Variants in CFAP47 observed in about 807,000 individuals in gnomAD.
The protein encoded by CFAP47 is cilia- and flagella-associated protein 47.
Under a neutral mutation model 148.1 loss-of-function variants are expected in CFAP47, and 29 were observed. The ratio of observed to expected loss-of-function variants is 0.20; its 90% confidence interval spans 0.15 to 0.27. The LOEUF (loss-of-function observed/expected upper bound fraction) is 0.27, where lower values mean the gene tolerates loss of function less well. CFAP47 is among the 10% of genes least tolerant of loss of function. The pLI is 1.00. For missense variants in CFAP47, 1,872 were observed against 1,697.5 expected (o/e 1.10, Z -1.81); for synonymous variants, 664 against 577.3 (o/e 1.15, Z -2.15).
chrX:36,278,045 A>G (rs934663533), intron 49 of CFAP47, among the ~76,000 whole-genome samples: 3 of 112,368 alleles, frequency 2.7e-5, no homozygotes, highest in Non-Finnish European at 1.9e-5. Flanking sequence ...CACGGGGGTC[A>G]GGGAACCACT....
intron 24 of CFAP47, among the ~76,000 whole-genome samples, chrX:36,038,225 C>A (rs1937361128): frequency 8.9e-6 from 1 of 111,878 alleles, no homozygotes; most frequent in Non-Finnish European, 1.9e-5. Context: ...CTTGATGGCC[C>A]CAATCTTTGC....
In CFAP47 at chrX:36,385,200, A is replaced by T. The variant is rs1424632956; in HGVS notation, c.*194A>T. ...TTATGAATGTTTTTTGGTTGCGAAC[A>T]TTGGAATTGGTTCACTTTTAAAGTG... On this transcript the variant is annotated 3_prime_UTR_variant, in exon 64 of 64. Transcript: ENST00000378653. The T allele has an allele frequency of 5.3e-6, 2 of 375,721 alleles. No homozygotes were observed. The highest frequency in any genetic ancestry group is 5.2e-5 in the African/African-American group (2 of 38,664). 31.0% of individuals were successfully genotyped at this position (375,721 alleles called of 1,213,427 possible).
intron 1 of CFAP47, among the ~76,000 whole-genome samples, chrX:35,924,562 C>T (rs1192378413): frequency 5.8e-5 from 6 of 104,195 alleles, no homozygotes; most frequent in African/African-American, 2.1e-4. Context: ...TATATATGCG[C>T]ATATATGTGT....
At chrX:36,345,358 T>C (rs2146981538) in intron 57 of CFAP47, among the ~76,000 whole-genome samples, 1 of 111,429 alleles carries the variant, frequency 9.0e-6, no homozygotes, top group South Asian at 3.8e-4. Flanking sequence ...ATGAGACTGT[T>C]CTGCCTCAGA....
At chrX:36,158,115 A>G (rs1268605440) in intron 37 of CFAP47, among the ~76,000 whole-genome samples, 1 of 112,118 alleles carries the variant, frequency 8.9e-6, no homozygotes, top group Non-Finnish European at 1.9e-5. Flanking sequence ...AGTCTCACCC[A>G]TTCAACAGCA....
intron 27 of CFAP47, among the ~76,000 whole-genome samples, chrX:36,070,076 G>A (rs976697656): frequency 7.2e-5 from 8 of 111,608 alleles, no homozygotes; most frequent in African/African-American, 2.6e-4. Context: ...TAGTGGTGTA[G>A]CATTCTGGAA....
At chrX:35,924,504 G>T (rs776875382) in intron 1 of CFAP47, among the ~76,000 whole-genome samples, 3,192 of 101,966 alleles carry the variant, frequency 0.031, 146 homozygotes, top group African/African-American at 0.11. Flanking sequence ...TGTGTATATA[G>T]GTGCACATAT....
chrX:35,971,016 A>G (rs1026361038), intron 11 of CFAP47, 93 bp downstream of exon 11: 6 of 686,582 alleles, frequency 8.7e-6, no homozygotes, highest in Non-Finnish European at 1.3e-5. Context: ...TTTATTTTAG[A>G]TGTTGTAAAC....
intron 45 of CFAP47, among the ~76,000 whole-genome samples, chrX:36,221,920 C>A (rs377266670): frequency 9.0e-6 from 1 of 111,397 alleles, no homozygotes. Context: ...ATCAAGCAGA[C>A]AGAAGGTTAA....
rs1000366531 is a variant in CFAP47, at chrX:36,144,877, G to A, written c.5536-342G>A. The A allele has an allele frequency of 5.1e-5, 50 of 976,289 alleles. No individual in the cohort carries two copies. The Middle Eastern group carries it at 2.0e-3, about 39-fold the overall frequency. 80.5% of individuals were successfully genotyped at this position (976,289 alleles called of 1,213,427 possible). A position where few individuals can be genotyped will look rare whatever the true frequency, so the allele number is the denominator to read the frequency against. ...AGCCTCCTTTGGGCTTTCAGCCTTC[G>A]GCCTCAGAATGGGGCCTGCACTGTA... On this transcript the variant is annotated intron_variant, in intron 35 of 63. Coordinates refer to ENST00000378653, the MANE Select transcript of CFAP47 (RefSeq NM_001304548.2).
intron 35 of CFAP47, chrX:36,144,663 G>A: frequency 9.7e-7 from 1 of 1,027,773 alleles, no homozygotes; most frequent in Non-Finnish European, 1.3e-6. Flanking sequence ...ATTGGCTGTG[G>A]CAGTGGCCAG....
intron 29 of CFAP47, among the ~76,000 whole-genome samples, chrX:36,078,796 T>A (rs1479360327): frequency 1.8e-5 from 2 of 111,400 alleles, no homozygotes; most frequent in African/African-American, 6.5e-5. Context: ...ATTTGGCATG[T>A]TTTTGCAGTG....
chrX:36,280,583 T>C lies in CFAP47; in HGVS notation c.7541T>C (p.Leu2514Pro), dbSNP rs1315656714. 3.3e-5 allele frequency: 17 copies of C among 508,093 alleles called. No individual in the cohort carries two copies. Among genetic ancestry groups the C allele is most frequent in the Admixed American group, 8.1e-5 (3 of 36,955 alleles). The allele number at this position is 508,093 out of a possible 1,213,427, so 41.9% of individuals were successfully genotyped here. Residue 2514 changes from leucine (L) to proline (P), a missense_variant, in exon 50 of 64, where the codon CTT becomes CCT. Physicochemically the swap from Leu to Pro is moderately conservative, Grantham distance 98 (BLOSUM62 -3). Coordinates refer to ENST00000378653, the MANE Select transcript of CFAP47 (RefSeq NM_001304548.2). ...GATCAAGATCAAGCCCTCTCCTGTC[T>C]TGATTCAATAACAGAACAATCTAGC... Reference protein sequence around the residue: ...DTDQDQALSCLDSITEQSSIL... With the variant: ...DTDQDQALSCPDSITEQSSIL...
At chrX:36,220,267 G>A (rs782262533) in intron 45 of CFAP47, among the ~76,000 whole-genome samples, 1 of 110,870 alleles carries the variant, frequency 9.0e-6, no homozygotes, top group South Asian at 3.8e-4. Flanking sequence ...TTAGACTTGG[G>A]TCCTATCCCT....
intron 57 of CFAP47, among the ~76,000 whole-genome samples, chrX:36,327,791 C>T (rs782782634): frequency 8.9e-6 from 1 of 112,167 alleles, no homozygotes; most frequent in Admixed American, 9.5e-5. Flanking sequence ...AAAACAATGA[C>T]ATCCTGTCCT....
At chrX:36,374,547 T>A (rs1318958727) in intron 62 of CFAP47, among the ~76,000 whole-genome samples, 1 of 111,325 alleles carries the variant, frequency 9.0e-6, no homozygotes, top group East Asian at 2.8e-4. Flanking sequence ...CTGCTCTTAT[T>A]TTTTATTATT....
chrX:36,003,506 G>T (rs1191469440), intron 21 of CFAP47, among the ~76,000 whole-genome samples: 1 of 109,235 alleles, frequency 9.2e-6, no homozygotes, highest in African/African-American at 3.3e-5. Context: ...GGCAGAATTT[G>T]TGAAGGACTG....
intron 2 of CFAP47, among the ~76,000 whole-genome samples, chrX:35,933,632 G>T (rs772920111): frequency 6.5e-4 from 73 of 111,729 alleles, no homozygotes; most frequent in African/African-American, 2.1e-3. Flanking sequence ...AGTTTTTTGA[G>T]GAGCCTCCAA....
intron 60 of CFAP47, among the ~76,000 whole-genome samples, chrX:36,358,429 T>G (rs1941801611): frequency 8.9e-6 from 1 of 112,158 alleles, no homozygotes; most frequent in East Asian, 2.8e-4. Context: ...TATGCACAAA[T>G]TATGTCCTGC....
Sources: allele counts gnomAD v4.1 joint callset (sites outside exome capture counted in the v4.1 genomes callset), GRCh38; gene constraint gnomAD v4.1.1; transcripts MANE v1.5; gene names NCBI Gene and HGNC (gene_info 2026-07-23, HGNC 2026-07-21).